The following CACNB2 variants were observed in gnomAD, a reference collection of about 807,000 sequenced individuals.
The protein encoded by CACNB2 is voltage-dependent L-type calcium channel subunit beta-2.
A neutral mutation model predicts 73.3 loss-of-function variants in CACNB2; 42 were observed. The observed-to-expected ratio is 0.57, with a 90% CI of 0.45 to 0.74. The LOEUF (loss-of-function observed/expected upper bound fraction) is 0.74. Among genes scored for constraint, CACNB2 ranks in the 30% least tolerant of loss-of-function variants. The probability of loss-of-function intolerance (pLI) is 0.00; values close to 1 mark genes in which losing one functional copy is unlikely to be tolerated. For missense variants in CACNB2, 940 were observed against 853.0 expected (o/e 1.10, Z -1.27); for synonymous variants, 348 against 310.3 (o/e 1.12, Z -1.28).
chr10:18,163,923 C>G (rs1027634355), intron 2 of CACNB2, among the ~76,000 whole-genome samples: 3 of 152,048 alleles, frequency 2.0e-5, no homozygotes, highest in Non-Finnish European at 2.9e-5. Flanking sequence ...CATCCTAAGG[C>G]AGAGTGGAAT....
intron 3 of CACNB2, among the ~76,000 whole-genome samples, chr10:18,418,240 A>T (rs1007607461): frequency 6.6e-6 from 1 of 152,090 alleles, no homozygotes; most frequent in Non-Finnish European, 1.5e-5. Flanking sequence ...ATGCTCAGCT[A>T]ATTTTTGTAT....
rs77132393 is a variant in CACNB2, at chr10:18,450,603, G to A, written c.334-47752G>A. 6.0e-3 allele frequency among the ~76,000 whole-genome samples: 903 copies of A among 150,940 alleles called. 19 individuals carry two copies. The highest frequency in any genetic ancestry group is 0.02 in the African/African-American group (826 of 41,046). On this transcript the variant is annotated intron_variant, in intron 3 of 13. Coordinates refer to ENST00000324631, the MANE Select transcript of CACNB2 (RefSeq NM_201596.3). ...GCAAAATAGTGTAAAAATGACCCTC[G>A]CCAGCTCCAGCTGCTTTTTTTTCTT...
chr10:18,433,008 C>T (rs1441729490), intron 3 of CACNB2, among the ~76,000 whole-genome samples: 2 of 152,100 alleles, frequency 1.3e-5, no homozygotes, highest in African/African-American at 4.8e-5. Context: ...GCCCAAATAT[C>T]GCTTCCCTTT....
intron 3 of CACNB2, among the ~76,000 whole-genome samples, chr10:18,450,711 C>T (rs756921180): frequency 1.3e-5 from 2 of 151,402 alleles, no homozygotes; most frequent in African/African-American, 2.4e-5. Context: ...CAGTCGCCGC[C>T]CCCTGGGTTC....
chr10:18,157,622 G>C (rs371671163), intron 2 of CACNB2, among the ~76,000 whole-genome samples: 1 of 152,164 alleles, frequency 6.6e-6, no homozygotes, highest in Non-Finnish European at 1.5e-5. Flanking sequence ...AGAAATGGAG[G>C]CTCAGAGGTG....
chr10:18,207,487 G>A (rs1460979660), intron 2 of CACNB2, among the ~76,000 whole-genome samples: 1 of 152,168 alleles, frequency 6.6e-6, no homozygotes, highest in Non-Finnish European at 1.5e-5. Context: ...GGTCTTGGAA[G>A]GCATCCCTCA....
Position 18,539,740 on chromosome 10 carries a change from G to GCTTTTT in CACNB2, c.*16_*17insCTTTTT, listed in dbSNP as rs753335762. On this transcript the variant is annotated 3_prime_UTR_variant, in exon 14 of 14. Transcript: ENST00000324631. ...CCGCCAATGAGTTTTGCCCGTTTGTGTTTTTTTTTTTTTTTTTTTGAAGTC... is the reference window on the plus strand; with the variant it reads ...CCGCCAATGAGTTTTGCCCGTTTGTGCTTTTTTTTTTTTTTTTTTTTTTTTGAAGTC... 5.5e-6 allele frequency: 8 copies of GCTTTTT among 1,449,382 alleles called. No individual in the cohort carries two copies. Among genetic ancestry groups the GCTTTTT allele is most frequent in the Non-Finnish European group, 1.9e-6 (2 of 1,077,930 alleles). 89.8% of individuals were successfully genotyped at this position (1,449,382 alleles called of 1,614,324 possible).
chr10:18,260,904 T>C, intron 2 of CACNB2: 3 of 1,128,766 alleles, frequency 2.7e-6, no homozygotes, highest in Non-Finnish European at 3.3e-6. Context: ...GAATGGCTAC[T>C]GTAAAAGCGT....
chr10:18,323,623 T>G (rs1376321599), intron 2 of CACNB2, among the ~76,000 whole-genome samples: 3 of 152,192 alleles, frequency 2.0e-5, no homozygotes, highest in East Asian at 1.9e-4. Flanking sequence ...TGTATGGAAT[T>G]AGAGATTATT....
chr10:18,518,521 C>T, intron 8 of CACNB2, 105 bp downstream of exon 8: 2 of 842,824 alleles, frequency 2.4e-6, no homozygotes, highest in Non-Finnish European at 2.0e-6. Context: ...CTTAAGGAGC[C>T]AACTTTAGAG....
chr10:18,407,749 C>G (rs1053187196), intron 3 of CACNB2, among the ~76,000 whole-genome samples: 1 of 152,106 alleles, frequency 6.6e-6, no homozygotes, highest in African/African-American at 2.4e-5. Flanking sequence ...TTCTCAACTT[C>G]TAACCCATCT....
chr10:18,239,962 A>C (rs965672667), intron 2 of CACNB2, among the ~76,000 whole-genome samples: 1 of 152,342 alleles, frequency 6.6e-6, no homozygotes, highest in East Asian at 1.9e-4. Context: ...ATGTCTTCTC[A>C]TATCTGATAA....
At chr10:18,151,846 G>A (rs979719282) in intron 2 of CACNB2, among the ~76,000 whole-genome samples, 2 of 152,114 alleles carry the variant, frequency 1.3e-5, no homozygotes, top group Non-Finnish European at 2.9e-5. Context: ...CTCACTCTAC[G>A]GAACAGTGGT....
intron 2 of CACNB2, among the ~76,000 whole-genome samples, chr10:18,328,077 A>G (rs922519242): frequency 2.0e-5 from 3 of 152,204 alleles, no homozygotes; most frequent in African/African-American, 4.8e-5. Context: ...TCCAACCTCT[A>G]TGCAGTGCTC....
intron 3 of CACNB2, among the ~76,000 whole-genome samples, chr10:18,442,978 ATATATATGTATATATATATG>A (rs1564553888): frequency 0.034 from 767 of 22,316 alleles, 120 homozygotes; most frequent in East Asian, 0.066. Context: ...ATGTGTATAT[ATATATATGTATATATATATG>A]TGTATATATA....
chr10:18,488,258 G>A (rs181338280), intron 3 of CACNB2, among the ~76,000 whole-genome samples: 2,758 of 151,126 alleles, frequency 0.018, 62 homozygotes, highest in African/African-American at 0.058. Context: ...GGCGGATCAC[G>A]AGGTCAGGAG....
intron 2 of CACNB2, among the ~76,000 whole-genome samples, chr10:18,244,162 G>C (rs1449233321): frequency 6.6e-6 from 1 of 152,128 alleles, no homozygotes; most frequent in Non-Finnish European, 1.5e-5. Flanking sequence ...GATATTTACT[G>C]CAATGATGTT....
intron 11 of CACNB2, 48 bp from the exon 12 acceptor site, chr10:18,536,053 T>G (rs376026888): frequency 8.9e-7 from 1 of 1,129,230 alleles, no homozygotes; most frequent in South Asian, 1.3e-5. Context: ...CCTTGTACTT[T>G]ACCTGGATGT....
rs75968640 is a variant in CACNB2 at position 18,381,301 on chromosome 10, G to A, written c.214-20623G>A. ...AGGCCTCCCAAATGTATGAACTCTC[G>A]TACATTACTGGTATATAAATTGGTA... is the stretch of plus-strand genomic sequence containing the variant. On this transcript the variant is annotated intron_variant, in intron 2 of 13. Transcript: ENST00000324631. Among the ~76,000 whole-genome samples the A allele has an allele frequency of 2.5e-3, 383 of 151,580 alleles. 3 individuals carry two copies. Among genetic ancestry groups the A allele is most frequent in the Non-Finnish European group, 3.8e-3 (256 of 67,956 alleles).
Sources: allele counts gnomAD v4.1 joint callset (sites outside exome capture counted in the v4.1 genomes callset), GRCh38; gene constraint gnomAD v4.1.1; transcripts MANE v1.5; gene names NCBI Gene and HGNC (gene_info 2026-07-23, HGNC 2026-07-21).